The following FA2H variants were observed in gnomAD, a reference collection of about 807,000 sequenced individuals.
FA2H encodes fatty acid 2-hydroxylase, also known as fatty acid alpha-hydroxylase.
Under a neutral mutation model 44.9 loss-of-function variants are expected in FA2H, and 22 were observed. That is an observed-to-expected ratio of 0.49 (90% CI 0.35 to 0.70). The LOEUF (loss-of-function observed/expected upper bound fraction) is 0.70, where lower values mean the gene tolerates loss of function less well. FA2H is among the 30% of genes least tolerant of loss of function. The pLI, the probability that FA2H is intolerant of heterozygous loss-of-function variation, is 0.01. For missense variants in FA2H, 501 were observed against 504.9 expected, an observed-to-expected ratio of 0.99 and a Z score of 0.07; for synonymous variants, 243 against 213.2, an observed-to-expected ratio of 1.14 and a Z score of -1.22.
intron 1 of FA2H, among the ~76,000 whole-genome samples, chr16:74,762,010 T>C (rs762466034): frequency 1.3e-5 from 2 of 152,222 alleles, no homozygotes; most frequent in Non-Finnish European, 2.9e-5. Context: ...CTGTGAATGT[T>C]CAAATTGGAG....
intron 1 of FA2H, among the ~76,000 whole-genome samples, chr16:74,752,492 C>G (rs1337112672): frequency 2.0e-5 from 3 of 152,164 alleles, no homozygotes. Context: ...GGCCTTTGCA[C>G]CTGCTGTTCC....
intron 4 of FA2H, among the ~76,000 whole-genome samples, chr16:74,724,849 C>T (rs1298606916): frequency 6.6e-6 from 1 of 152,202 alleles, no homozygotes; most frequent in Non-Finnish European, 1.5e-5. Flanking sequence ...CCCCTCACCC[C>T]AGCATCACCC....
At chr16:74,771,788 C>T (rs547138470) in intron 1 of FA2H, among the ~76,000 whole-genome samples, 8 of 152,084 alleles carry the variant, frequency 5.3e-5, no homozygotes, top group African/African-American at 9.7e-5. Flanking sequence ...CCCCCTTCCC[C>T]CCATGGTCAC....
intron 4 of FA2H, among the ~76,000 whole-genome samples, chr16:74,721,201 CTT>C (rs1961829389): frequency 6.6e-6 from 1 of 151,974 alleles, no homozygotes. Context: ...GAGTTTCGCT[CTT>C]GTCACCCAGG....
chr16:74,740,620 AAATAATAAT>A (rs71378704), intron 1 of FA2H, among the ~76,000 whole-genome samples: 25,810 of 135,176 alleles, frequency 0.19, 2,721 homozygotes, highest in Admixed American at 0.33. Context: ...CTCCATCTCA[AAATAATAAT>A]AATAATAATA....
Position 74,713,821 on chromosome 16 carries a change from C to T in FA2H, c.*369G>A. On this transcript the variant is annotated 3_prime_UTR_variant, in exon 7 of 7. Transcript: ENST00000219368. ...GCCGTGCAGGCAGCTCCTAGGCAGC[C>T]CATGAGGCTAAGGCACAAGGGTGAC... 3.9e-6 allele frequency: 1 copy of T among 253,822 alleles called. No individual in the cohort carries two copies. Among genetic ancestry groups the T allele is most frequent in the South Asian group, 6.9e-5 (1 of 14,544 alleles). The allele number at this position is 253,822 out of a possible 1,614,324, so 15.7% of individuals were successfully genotyped here.
intron 4 of FA2H, among the ~76,000 whole-genome samples, chr16:74,722,911 CAAAAA>C (rs554074212): frequency 5.6e-4 from 63 of 112,198 alleles, no homozygotes; most frequent in African/African-American, 9.2e-4. Context: ...AACTCCATCT[CAAAAA>C]AAAAAAAAAA....
intron 1 of FA2H, among the ~76,000 whole-genome samples, chr16:74,745,131 C>G (rs1311711994): frequency 2.0e-5 from 3 of 152,196 alleles, no homozygotes; most frequent in Non-Finnish European, 2.9e-5. Context: ...CTCCAGGCCT[C>G]TCTGCCTTGG....
chr16:74,732,725 T>G (rs542641150), intron 2 of FA2H, among the ~76,000 whole-genome samples: 1 of 152,302 alleles, frequency 6.6e-6, no homozygotes, highest in East Asian at 1.9e-4. Flanking sequence ...TGTGAACCAC[T>G]GTCCCCAGCT....
At chr16:74,754,202 A>C (rs967518436) in intron 1 of FA2H, among the ~76,000 whole-genome samples, 4 of 152,106 alleles carry the variant, frequency 2.6e-5, no homozygotes, top group African/African-American at 9.7e-5. Flanking sequence ...TCAAGACCAG[A>C]CTGGCCAATA....
intron 1 of FA2H, among the ~76,000 whole-genome samples, chr16:74,749,961 C>T (rs759159761): frequency 2.6e-5 from 4 of 152,318 alleles, no homozygotes; most frequent in East Asian, 1.9e-4. Context: ...GCGGCCAGAG[C>T]TTGTCAGGGT....
intron 1 of FA2H, among the ~76,000 whole-genome samples, chr16:74,753,148 TC>T (rs1411666169): frequency 6.6e-6 from 1 of 152,136 alleles, no homozygotes; most frequent in Non-Finnish European, 1.5e-5. Context: ...CCACACAGAA[TC>T]CTGCAGGGGA....
At chr16:74,727,198 G>A (rs371102710) in intron 3 of FA2H, 46 bp downstream of exon 3, 113 of 1,613,010 alleles carry the variant, frequency 7.0e-5, no homozygotes, top group Middle Eastern at 1.7e-4. Flanking sequence ...GATTGGCACC[G>A]TCAGAAGAGA....
At chr16:74,774,328 G>A (rs1280486374) in intron 1 of FA2H, among the ~76,000 whole-genome samples, 158 bp downstream of exon 1, 1 of 152,264 alleles carries the variant, frequency 6.6e-6, no homozygotes. Context: ...GGGGACGACA[G>A]TGACCTGTTG....
chr16:74,752,712 A>G (rs534434455), intron 1 of FA2H, among the ~76,000 whole-genome samples: 6 of 152,058 alleles, frequency 3.9e-5, no homozygotes, highest in Non-Finnish European at 8.8e-5. Context: ...GGCTGAATGG[A>G]GGAAGGGATG....
In FA2H at chr16:74,719,066, G is replaced by A. The variant is rs781172621; in HGVS notation, c.708C>T (p.Phe236=). 5 of 1,614,066 alleles carry A rather than the reference G, an allele frequency of 3.1e-6. No homozygotes were observed. Among genetic ancestry groups the A allele is most frequent in the Non-Finnish European group, 3.4e-6 (4 of 1,180,030 alleles). The change falls in exon 5 of 7, where the codon TTC becomes TTT. Residue 236 remains phenylalanine, a synonymous_variant. Coordinates refer to ENST00000219368, the MANE Select transcript of FA2H (RefSeq NM_024306.5). ...CGCTGGGGGGCTTCATGTGGAACAG[G>A]AAGCGGTGGATGAGGTACTCGATGA... The part of the protein sequence containing the change: ...WSLIEYLIHR[F]LFHMKPPSDS...
At chr16:74,744,140 G>A (rs544028743) in intron 1 of FA2H, among the ~76,000 whole-genome samples, 3 of 152,228 alleles carry the variant, frequency 2.0e-5, no homozygotes, top group East Asian at 3.9e-4. Context: ...TCTGGGCCAC[G>A]TTTTCCAGAC....
chr16:74,753,205 C>T (rs889949462), intron 1 of FA2H, among the ~76,000 whole-genome samples: 1 of 152,168 alleles, frequency 6.6e-6, no homozygotes, highest in African/African-American at 2.4e-5. Flanking sequence ...GATTAACTTG[C>T]CCAAAGTCAC....
intron 1 of FA2H, among the ~76,000 whole-genome samples, chr16:74,751,029 T>C (rs771719700): frequency 6.6e-6 from 1 of 151,130 alleles, no homozygotes; most frequent in Non-Finnish European, 1.5e-5. Flanking sequence ...GGGATCCTTC[T>C]ACCTCAGCCT....
Sources: gnomAD v4.1 joint callset for allele counts (sites outside exome capture counted in the v4.1 genomes callset) on GRCh38, gnomAD v4.1.1 for gene constraint, MANE v1.5 for transcripts, NCBI Gene and HGNC (gene_info 2026-07-23, HGNC 2026-07-21) for gene names.